Variants in IGSF21 observed in about 807,000 individuals in gnomAD.
IGSF21 encodes the protein immunoglobulin superfamily member 21.
In IGSF21, 28 loss-of-function variants were observed where a neutral mutation model predicts 46.8. The ratio of observed to expected loss-of-function variants is 0.60; its 90% CI spans 0.44 to 0.82. The LOEUF (loss-of-function observed/expected upper bound fraction) is 0.82, where lower values mean the gene tolerates loss of function less well. Ranked by LOEUF, IGSF21 falls within the 40% of genes least tolerant of loss-of-function variation. The probability of loss-of-function intolerance (pLI) is 0.00; values close to 1 mark genes in which losing one functional copy is unlikely to be tolerated. For synonymous variants in IGSF21, 284 were observed against 273.6 expected (o/e 1.04, Z -0.38); for missense variants, 624 against 665.5 (o/e 0.94, Z 0.69).
chr1:18,285,117 C>T (rs2085200007), intron 2 of IGSF21, among the ~76,000 whole-genome samples: 1 of 152,096 alleles, frequency 6.6e-6, no homozygotes, highest in South Asian at 2.1e-4. Context: ...TATTTCCAAC[C>T]TGTAATTGGT....
chr1:18,295,883 A>G (rs915094352), intron 3 of IGSF21, among the ~76,000 whole-genome samples: 1 of 152,226 alleles, frequency 6.6e-6, no homozygotes, highest in Non-Finnish European at 1.5e-5. Flanking sequence ...GACAGTTCAG[A>G]TGCATGCTCA....
At chr1:18,278,812 T>C (rs1004967459) in intron 2 of IGSF21, 6 of 470,752 alleles carry the variant, frequency 1.3e-5, no homozygotes, top group African/African-American at 1.2e-4. Context: ...TGCCTCGGCC[T>C]CCAAAAGTGC....
At chr1:18,302,156 C>T (rs1276650432) in intron 3 of IGSF21, among the ~76,000 whole-genome samples, 1 of 46,152 alleles carries the variant, frequency 2.2e-5, no homozygotes, top group East Asian at 6.6e-4. Flanking sequence ...TCTGCCTTTT[C>T]AAAGCCCAAA....
chr1:18,284,156 A>G (rs1036242991), intron 2 of IGSF21, among the ~76,000 whole-genome samples: 2 of 152,180 alleles, frequency 1.3e-5, no homozygotes, highest in African/African-American at 4.8e-5. Flanking sequence ...TCACAAAGGC[A>G]CCAGTGGACT....
intron 3 of IGSF21, among the ~76,000 whole-genome samples, chr1:18,295,437 A>G (rs1569749539): frequency 6.6e-6 from 1 of 152,200 alleles, no homozygotes; most frequent in African/African-American, 2.4e-5. Flanking sequence ...ACATGGCAAA[A>G]TGTAGATGAA....
intron 3 of IGSF21, among the ~76,000 whole-genome samples, chr1:18,326,956 A>G (rs1005612498): frequency 2.0e-5 from 3 of 152,176 alleles, no homozygotes; most frequent in African/African-American, 7.2e-5. Flanking sequence ...TGGGCCAAGC[A>G]AGACAGTGGG....
intron 3 of IGSF21, among the ~76,000 whole-genome samples, chr1:18,316,719 A>T (rs1370137790): frequency 6.6e-6 from 1 of 152,208 alleles, no homozygotes; most frequent in East Asian, 1.9e-4. Context: ...TCTGTGCCTC[A>T]GTTTCCTCAA....
chr1:18,297,540 C>A (rs2085322893), intron 3 of IGSF21, among the ~76,000 whole-genome samples: 1 of 152,034 alleles, frequency 6.6e-6, no homozygotes, highest in Admixed American at 6.5e-5. Context: ...AAAACAGTTA[C>A]AGTGTGTGAT....
In IGSF21 at chr1:18,130,786, G is replaced by A. The variant is rs554019824; in HGVS notation, c.70+22588G>A. ...CTGAGAAAAAAGATGACTCCAGACCGCTTGTGGAGAGCAGCAGCCCTCCTA... is the reference window on the plus strand; with the variant it reads ...CTGAGAAAAAAGATGACTCCAGACCACTTGTGGAGAGCAGCAGCCCTCCTA... On this transcript the variant is annotated intron_variant, in intron 1 of 9. Transcript: ENST00000251296. 1.1e-4 allele frequency among the ~76,000 whole-genome samples: 17 copies of A among 152,348 alleles called. No individual in the cohort carries two copies. In the East Asian group the frequency reaches 1.3e-3, roughly 12 times the overall value.
At chr1:18,127,802 G>A (rs372891548) in intron 1 of IGSF21, among the ~76,000 whole-genome samples, 25 of 152,234 alleles carry the variant, frequency 1.6e-4, no homozygotes, top group African/African-American at 5.1e-4. Context: ...CCAGCTACTC[G>A]GGAGGCTGAA....
chr1:18,118,802 G>A (rs1294954241), intron 1 of IGSF21, among the ~76,000 whole-genome samples: 1 of 152,104 alleles, frequency 6.6e-6, no homozygotes, highest in Non-Finnish European at 1.5e-5. Flanking sequence ...TCATGGGGAA[G>A]AGTTAGTCAT....
At chr1:18,256,601 G>T (rs2084894790) in intron 2 of IGSF21, among the ~76,000 whole-genome samples, 2 of 152,112 alleles carry the variant, frequency 1.3e-5, no homozygotes, top group Non-Finnish European at 2.9e-5. Flanking sequence ...TTCCCAAGGG[G>T]GAAGGAAAGG....
intron 2 of IGSF21, among the ~76,000 whole-genome samples, chr1:18,261,514 C>T (rs905267853): frequency 2.6e-5 from 4 of 152,242 alleles, no homozygotes; most frequent in Non-Finnish European, 5.9e-5. Flanking sequence ...GAAGTCACCA[C>T]CCTTTTTCTA....
chr1:18,204,503 G>A (rs2087106693), intron 1 of IGSF21, among the ~76,000 whole-genome samples: 1 of 152,166 alleles, frequency 6.6e-6, no homozygotes, highest in South Asian at 2.1e-4. Flanking sequence ...GTTTTATTTG[G>A]CCACCAGTTC....
At chr1:18,376,627 C>T (rs555439873) in intron 7 of IGSF21, among the ~76,000 whole-genome samples, 173 bp from the exon 8 acceptor site, 2 of 152,310 alleles carry the variant, frequency 1.3e-5, no homozygotes, top group African/African-American at 2.4e-5. Context: ...AGCTCTTCAA[C>T]GAGACATTCT....
intron 1 of IGSF21, among the ~76,000 whole-genome samples, chr1:18,205,703 T>G (rs939814821): frequency 6.6e-6 from 1 of 152,138 alleles, no homozygotes; most frequent in African/African-American, 2.4e-5. Context: ...TGACTCAAGG[T>G]GGGACTAAGG....
chr1:18,139,777 C>T (rs1244766880), intron 1 of IGSF21, among the ~76,000 whole-genome samples: 2 of 152,010 alleles, frequency 1.3e-5, no homozygotes, highest in Non-Finnish European at 2.9e-5. Flanking sequence ...TTTCTCTCCA[C>T]CCGCCAAAGT....
chr1:18,110,255 G>A (rs1475194448), intron 1 of IGSF21: 1 of 152,284 alleles, frequency 6.6e-6, no homozygotes, highest in Non-Finnish European at 1.5e-5. Flanking sequence ...AGGGAGATCC[G>A]AGGCAGCCGG....
At chr1:18,305,741 C>A (rs1177224947) in intron 3 of IGSF21, among the ~76,000 whole-genome samples, 3 of 152,196 alleles carry the variant, frequency 2.0e-5, no homozygotes, top group African/African-American at 7.2e-5. Context: ...GACCATTGGG[C>A]CATTTGTACA....
Sources: gnomAD v4.1 joint callset for allele counts (sites outside exome capture counted in the v4.1 genomes callset) on GRCh38, gnomAD v4.1.1 for gene constraint, MANE v1.5 for transcripts, NCBI Gene and HGNC (gene_info 2026-07-23, HGNC 2026-07-21) for gene names.